Variants in PECR observed in about 807,000 individuals in gnomAD.
PECR encodes peroxisomal trans-2-enoyl-CoA reductase, also known as 2,4-dienoyl-CoA reductase-related protein.
PECR carries 30 observed loss-of-function variants against 35.3 expected under a neutral mutation model. The observed-to-expected ratio is 0.85, with a 90% confidence interval of 0.64 to 1.15. The LOEUF is 1.15. Ranked by LOEUF, PECR falls within the 50% of genes most tolerant of loss-of-function variation. The pLI is 0.00. For synonymous variants in PECR, 148 were observed against 138.9 expected (o/e 1.07, Z -0.46); for missense variants, 392 against 370.8 (o/e 1.06, Z -0.47).
At chr2:216,069,808 C>T (rs828904) in intron 1 of PECR, among the ~76,000 whole-genome samples, 135,073 of 151,932 alleles carry the variant, frequency 0.89, 60,294 homozygotes, top group African/African-American at 0.97. Flanking sequence ...TGGTGGTGGG[C>T]GCCTGTAATC....
At chr2:216,040,108 A>G (rs181128566) in intron 7 of PECR, among the ~76,000 whole-genome samples, 1 of 151,856 alleles carries the variant, frequency 6.6e-6, no homozygotes, top group African/African-American at 2.4e-5. Flanking sequence ...GGAGGCAAAA[A>G]CAGGAAACAG....
intron 7 of PECR, among the ~76,000 whole-genome samples, chr2:216,031,475 GAGAAAGAA>G (rs71047962): frequency 3.8e-5 from 5 of 132,816 alleles, no homozygotes; most frequent in Admixed American, 8.1e-5. Context: ...AAGAAAGAAA[GAGAAAGAA>G]AGAAAGAAAG....
intron 3 of PECR, among the ~76,000 whole-genome samples, chr2:216,062,920 G>A (rs1172916569): frequency 6.6e-6 from 1 of 152,318 alleles, no homozygotes; most frequent in South Asian, 2.1e-4. Context: ...GCCTAGGTGT[G>A]TAGCAGGCTA....
rs1373351318 is a variant in PECR, at chr2:216,065,377, C to T, written c.359G>A (p.Ser120Asn). Residue 120 changes from serine to asparagine, a missense_variant, in exon 3 of 8, where the codon AGT becomes AAT. By Grantham distance (46) the Ser-to-Asn change is conservative (BLOSUM62 1). Coordinates refer to ENST00000265322, the MANE Select transcript of PECR (RefSeq NM_018441.6). ...GQFLSPAEHI[S>N]SKGWHAVLET... is the part of the protein sequence containing the mutation. The stretch of plus-strand genomic sequence containing the variant: ...AAGCACAGCGTGCCATCCCTTAGAA[C>T]TGATGTGTTCAGCAGGGGAAAGAAA... 2 of 1,609,262 alleles carry T rather than the reference C, an allele frequency of 1.2e-6. No homozygotes were observed. Among genetic ancestry groups the T allele is most frequent in the Admixed American group, 1.7e-5 (1 of 59,996 alleles).
intron 3 of PECR, among the ~76,000 whole-genome samples, chr2:216,064,337 G>A (rs967985767): frequency 2.0e-4 from 30 of 152,134 alleles, no homozygotes; most frequent in Non-Finnish European, 3.5e-4. Context: ...TCTAGCTGAC[G>A]AATGTGAGCA....
chr2:216,058,843 T>C, intron 4 of PECR, 52 bp downstream of exon 4: 1 of 977,616 alleles, frequency 1.0e-6, no homozygotes, highest in Non-Finnish European at 1.7e-6. Flanking sequence ...CTTCCCCCAA[T>C]CAGAAGACAA....
At chr2:216,039,675 T>C (rs1559206608) in intron 7 of PECR, among the ~76,000 whole-genome samples, 1 of 152,310 alleles carries the variant, frequency 6.6e-6, no homozygotes, top group South Asian at 2.1e-4. Flanking sequence ...ATACTGTGGA[T>C]CGTCAATAAA....
intron 6 of PECR, among the ~76,000 whole-genome samples, chr2:216,046,310 A>ATATTTT (rs1553560626): frequency 5.4e-4 from 52 of 96,954 alleles, no homozygotes; most frequent in African/African-American, 1.1e-3. Context: ...ATATATATAT[A>ATATTTT]TTTTTTTTTT....
intron 1 of PECR, among the ~76,000 whole-genome samples, chr2:216,078,375 T>G (rs1383100939): frequency 6.6e-6 from 1 of 152,014 alleles, no homozygotes. Context: ...CCAGGCCCGG[T>G]GGCTCACAGC....
chr2:216,074,484 GA>G (rs1462441492), intron 1 of PECR, among the ~76,000 whole-genome samples: 77 of 133,638 alleles, frequency 5.8e-4, no homozygotes, highest in African/African-American at 2.0e-3. Flanking sequence ...GAGAGAGAAA[GA>G]AAGAAAAAAA....
In PECR at chr2:216,061,970, A is replaced by ATGTGTGTG. The variant is rs5838567; in HGVS notation, c.425-3002_425-2995dup. ...TTATTTAAAACGAGTGTGTGTGAGTATGTGTGTGTGTGTGCATGATTGTAG... is the reference window on the plus strand; with the variant it reads ...TTATTTAAAACGAGTGTGTGTGAGTATGTGTGTGTGTGTGTGTGTGTGCATGATTGTAG... On this transcript the variant is annotated intron_variant, in intron 3 of 7. Coordinates refer to ENST00000265322, the MANE Select transcript of PECR (RefSeq NM_018441.6). 2.8e-3 allele frequency among the ~76,000 whole-genome samples: 426 copies of ATGTGTGTG among 150,540 alleles called. 4 individuals are homozygous for ATGTGTGTG. The highest frequency in any genetic ancestry group is 0.01 in the African/African-American group (413 of 41,004).
At chr2:216,079,371 CTTTT>C (rs781386180) in intron 1 of PECR, among the ~76,000 whole-genome samples, 1 of 142,582 alleles carries the variant, frequency 7.0e-6, no homozygotes, top group Non-Finnish European at 1.5e-5. Flanking sequence ...ATATGTAATA[CTTTT>C]TTTTTTTTTT....
intron 1 of PECR, 126 bp from the exon 2 acceptor site, chr2:216,066,644 C>A: frequency 1.2e-6 from 1 of 820,166 alleles, no homozygotes; most frequent in Non-Finnish European, 2.1e-6. Flanking sequence ...CAAATTCCAA[C>A]AATAATAATA....
Position 216,039,234 on chromosome 2 carries a change from G to T in PECR, c.*41C>A. On this transcript the variant is annotated 3_prime_UTR_variant, in exon 8 of 8. Coordinates refer to ENST00000265322, the MANE Select transcript of PECR (RefSeq NM_018441.6). ...AAGTACAGAAGCATATCCTCAAGAT[G>T]TGAAGGCACTGGGGGATGGAGGACA... 1 of 1,003,162 alleles carries T rather than the reference G, an allele frequency of 1.0e-6. No individual in the cohort carries two copies. Among genetic ancestry groups the T allele is most frequent in the Non-Finnish European group, 1.6e-6 (1 of 622,106 alleles). The allele number at this position is 1,003,162 out of a possible 1,614,324, so 62.1% of individuals were successfully genotyped here.
At chr2:216,076,262 G>C (rs1309979810) in intron 1 of PECR, among the ~76,000 whole-genome samples, 2 of 151,954 alleles carry the variant, frequency 1.3e-5, no homozygotes, top group African/African-American at 4.8e-5. Flanking sequence ...GCGTGATCTC[G>C]GCTCACTGCA....
At chr2:216,031,555 G>A (rs1411252128) in intron 7 of PECR, among the ~76,000 whole-genome samples, 1 of 146,314 alleles carries the variant, frequency 6.8e-6, no homozygotes, top group African/African-American at 2.5e-5. Context: ...AGGAAAGAGG[G>A]AGGGAGGGAA....
intron 5 of PECR, among the ~76,000 whole-genome samples, chr2:216,050,381 T>C (rs551627716): frequency 6.6e-6 from 1 of 152,354 alleles, no homozygotes; most frequent in Non-Finnish European, 1.5e-5. Flanking sequence ...TGGAGAGATA[T>C]ATTGGTTTCC....
chr2:216,074,877 A>G (rs1695665244), intron 1 of PECR, among the ~76,000 whole-genome samples: 1 of 152,168 alleles, frequency 6.6e-6, no homozygotes, highest in Non-Finnish European at 1.5e-5. Flanking sequence ...TAAAATAAAA[A>G]CCTAAATGGC....
Position 216,066,508 on chromosome 2 carries a change from C to A in PECR, c.135G>T (p.Val45=), listed in dbSNP as rs1393879351. ...TCTCCAACTTACGGGATGCAATGAC[C>A]ACATTACTCCCTGAGGAGAAACAGC... ...VKELLELGSN[V]VIASRKLERL... is the part of the protein sequence containing the mutation. The change falls in exon 2 of 8, where the codon GTG becomes GTT. Residue 45 remains valine (V), a synonymous_variant. Transcript: ENST00000265322. The A allele has an allele frequency of 3.7e-6, 6 of 1,613,850 alleles. No homozygotes were observed. The East Asian group carries it at 1.1e-4, about 30-fold the overall frequency.
Sources: allele counts gnomAD v4.1 joint callset (sites outside exome capture counted in the v4.1 genomes callset), GRCh38; gene constraint gnomAD v4.1.1; transcripts MANE v1.5; gene names NCBI Gene and HGNC (gene_info 2026-07-23, HGNC 2026-07-21).